EMCN: variants seen among roughly 807,000 people sequenced by gnomAD.
EMCN encodes endomucin, also known as MUC-14.
In EMCN, 37 loss-of-function variants were observed where a neutral mutation model predicts 38.4. The observed-to-expected ratio is 0.96, with a 90% CI of 0.74 to 1.27. The LOEUF is 1.27. Among genes scored for constraint, EMCN ranks in the 50% most tolerant of loss-of-function variants. The probability of loss-of-function intolerance (pLI) is 0.00; values close to 1 mark genes in which losing one functional copy is unlikely to be tolerated. For synonymous variants in EMCN, 95 were observed against 100.8 expected, an observed-to-expected ratio of 0.94 and a Z score of 0.35; for missense variants, 318 against 302.8, an observed-to-expected ratio of 1.05 and a Z score of -0.37.
At chr4:100,471,271 C>A (rs887552282) in intron 3 of EMCN, among the ~76,000 whole-genome samples, 3 of 151,736 alleles carry the variant, frequency 2.0e-5, no homozygotes, top group African/African-American at 7.3e-5. Flanking sequence ...TCATTATTAC[C>A]AACCTTACAG....
intron 8 of EMCN, among the ~76,000 whole-genome samples, chr4:100,418,849 G>A (rs1287165800): frequency 6.6e-6 from 1 of 152,084 alleles, no homozygotes; most frequent in Non-Finnish European, 1.5e-5. Flanking sequence ...TGCAACAAAT[G>A]TGGGACTGCA....
At chr4:100,507,814 GC>G (rs1729522680) in intron 1 of EMCN, among the ~76,000 whole-genome samples, 1 of 151,796 alleles carries the variant, frequency 6.6e-6, no homozygotes. Context: ...CTAGCCCCAC[GC>G]CTAACAAATA....
intron 1 of EMCN, among the ~76,000 whole-genome samples, chr4:100,488,300 C>CT (rs1728992837): frequency 6.6e-6 from 1 of 152,136 alleles, no homozygotes; most frequent in African/African-American, 2.4e-5. Context: ...CATAATTGGT[C>CT]TATGGAGTTA....
intron 9 of EMCN, 36 bp from the exon 10 acceptor site, chr4:100,415,995 G>A (rs768284037): frequency 2.3e-6 from 3 of 1,314,604 alleles, no homozygotes; most frequent in African/African-American, 1.5e-5. Context: ...TAACACCACA[G>A]TAATCAGCAT....
At chr4:100,405,692 C>A (rs1304220087) in intron 11 of EMCN, among the ~76,000 whole-genome samples, 1 of 151,834 alleles carries the variant, frequency 6.6e-6, no homozygotes, top group Non-Finnish European at 1.5e-5. Context: ...TTTCTTTGTT[C>A]ATTGTGTTTC....
chr4:100,411,385 T>G (rs950536512), intron 10 of EMCN, among the ~76,000 whole-genome samples: 1 of 152,158 alleles, frequency 6.6e-6, no homozygotes, highest in Non-Finnish European at 1.5e-5. Flanking sequence ...GTAAATAAAA[T>G]AAATATTGAG....
chr4:100,478,329 C>T (rs1406900145), intron 2 of EMCN, among the ~76,000 whole-genome samples: 1 of 152,150 alleles, frequency 6.6e-6, no homozygotes, highest in Non-Finnish European at 1.5e-5. Flanking sequence ...ATTTCCCTCC[C>T]ACTGCTAGAT....
At chr4:100,415,981 A>T (rs1383771825) in intron 9 of EMCN, 22 bp from the exon 10 acceptor site, 4 of 1,511,598 alleles carry the variant, frequency 2.6e-6, no homozygotes, top group Non-Finnish European at 3.6e-6. Context: ...AAAAAACATG[A>T]AATTAACACC....
chr4:100,479,203 T>G (rs1158677414), intron 2 of EMCN, among the ~76,000 whole-genome samples: 1 of 152,104 alleles, frequency 6.6e-6, no homozygotes, highest in Non-Finnish European at 1.5e-5. Context: ...GATATATGAT[T>G]TTCTGGGGTC....
intron 5 of EMCN, among the ~76,000 whole-genome samples, chr4:100,445,832 T>TA (rs1325834534): frequency 4.6e-5 from 7 of 152,172 alleles, no homozygotes; most frequent in East Asian, 1.9e-4. Flanking sequence ...AGTTTGAATG[T>TA]AAAAAAATGA....
chr4:100,463,233 A>T (rs1259092290), intron 4 of EMCN, among the ~76,000 whole-genome samples: 3 of 152,114 alleles, frequency 2.0e-5, no homozygotes, highest in Non-Finnish European at 4.4e-5. Context: ...TTTTGCTCAC[A>T]GGGTATTCCT....
At chr4:100,445,690 A>G (rs1475286419) in intron 5 of EMCN, among the ~76,000 whole-genome samples, 3 of 152,224 alleles carry the variant, frequency 2.0e-5, no homozygotes, top group Non-Finnish European at 4.4e-5. Context: ...GATGCCAAAT[A>G]CATAAAACTA....
At chr4:100,500,661 G>A (rs1729327663) in intron 1 of EMCN, among the ~76,000 whole-genome samples, 1 of 151,870 alleles carries the variant, frequency 6.6e-6, no homozygotes. Flanking sequence ...AACATATTGA[G>A]GCATTGTGTT....
chr4:100,415,857 A>G, intron 10 of EMCN, 41 bp downstream of exon 10: 1 of 1,377,252 alleles, frequency 7.3e-7, no homozygotes, highest in Non-Finnish European at 1.0e-6. Context: ...TAGATTCTAA[A>G]ATAACTAATT....
intron 7 of EMCN, 146 bp from the exon 8 acceptor site, chr4:100,421,523 T>G (rs1409961410): frequency 3.0e-6 from 2 of 670,154 alleles, no homozygotes; most frequent in Non-Finnish European, 5.2e-6. Flanking sequence ...ATTCCTCTGA[T>G]TCATGGGGTT....
intron 8 of EMCN, among the ~76,000 whole-genome samples, chr4:100,419,883 A>G (rs1477181192): frequency 6.6e-6 from 1 of 152,088 alleles, no homozygotes; most frequent in Non-Finnish European, 1.5e-5. Flanking sequence ...TGTCGTTATC[A>G]TACTACAACT....
At chr4:100,447,436 T>C in intron 5 of EMCN, 97 bp downstream of exon 5, 1 of 853,994 alleles carries the variant, frequency 1.2e-6, no homozygotes, top group Non-Finnish European at 1.9e-6. Flanking sequence ...CCTTGTGCTA[T>C]TTCTCCCTGC....
At chr4:100,424,001 G>GGAAAATA (rs1726975142) in intron 5 of EMCN, among the ~76,000 whole-genome samples, 1 of 151,528 alleles carries the variant, frequency 6.6e-6, no homozygotes. Flanking sequence ...ACTAGCATCC[G>GGAAAATA]TGCTCTTTTT....
chr4:100,510,544 A>G (rs1729599495), intron 1 of EMCN, among the ~76,000 whole-genome samples: 1 of 152,192 alleles, frequency 6.6e-6, no homozygotes, highest in Non-Finnish European at 1.5e-5. Context: ...TAACTCAGCA[A>G]AACTTTATAT....
Sources: allele counts gnomAD v4.1 joint callset (sites outside exome capture counted in the v4.1 genomes callset), GRCh38; gene constraint gnomAD v4.1.1; transcripts MANE v1.5; gene names NCBI Gene and HGNC (gene_info 2026-07-23, HGNC 2026-07-21).